Variants in RSRP1 observed in about 807,000 individuals in gnomAD.
RSRP1 encodes the protein arginine and serine rich protein 1, also known as arginine/serine-rich protein 1.
In RSRP1, 37 loss-of-function variants were observed where a neutral mutation model predicts 33.0. The observed-to-expected ratio is 1.12, with a 90% CI of 0.86 to 1.48. RSRP1 has a LOEUF of 1.48. Among genes scored for constraint, RSRP1 ranks in the 40% most tolerant of loss-of-function variants. The pLI is 0.00. For synonymous variants in RSRP1, 167 were observed against 158.7 expected, an observed-to-expected ratio of 1.05 and a Z score of -0.40; for missense variants, 402 against 385.3, an observed-to-expected ratio of 1.04 and a Z score of -0.36.
At position 25,280,221 on chromosome 1, in the gene RSRP1, C is replaced by G. The variant is rs577843291; in HGVS notation, c.-66-33192G>C. 3.4e-3 allele frequency among the ~76,000 whole-genome samples: 434 copies of G among 126,842 alleles called. 106 individuals carry two copies. Among genetic ancestry groups the G allele is most frequent in the Non-Finnish European group, 6.2e-3 (336 of 54,130 alleles). The allele number at this position is 126,842 out of a possible 152,430, so 83.2% of individuals were successfully genotyped here. A position where few individuals can be genotyped will look rare whatever the true frequency, so the allele number is the denominator to read the frequency against. ...GCCTTGGGGAGGAAGGCCCTGAGCG[C>G]GTATACCTGGAATCAGGGAATCGGG... On this transcript the variant is annotated intron_variant, in intron 1 of 1. Coordinates refer to the RSRP1 transcript ENST00000561867.
intron 4 of RSRP1, 127 bp from the exon 5 acceptor site, chr1:25,242,832 C>T: frequency 3.0e-6 from 2 of 667,550 alleles, no homozygotes; most frequent in South Asian, 3.7e-5. Flanking sequence ...CGCGGTGGCT[C>T]ACGCCTGTAA....
chr1:25,276,508 C>A (rs1571572925), intron 1 of RSRP1, among the ~76,000 whole-genome samples: 2 of 65,762 alleles, frequency 3.0e-5, no homozygotes, highest in Admixed American at 1.8e-4. Flanking sequence ...GCCTAGGAAA[C>A]ATAGGGAGAC....
chr1:25,244,845 G>A, intron 3 of RSRP1: 2 of 1,009,560 alleles, frequency 2.0e-6, no homozygotes, highest in Non-Finnish European at 2.6e-6. Context: ...CACCATGCCT[G>A]GCTAATTTTT....
intron 1 of RSRP1, among the ~76,000 whole-genome samples, chr1:25,270,569 G>A (rs188017669): frequency 3.8e-5 from 5 of 131,798 alleles, no homozygotes; most frequent in African/African-American, 1.0e-4. Flanking sequence ...ACCTCACCCC[G>A]GTCCATGGAA....
At position 25,288,494 on chromosome 1, in the gene RSRP1, T is replaced by G. The variant is rs565921701; in HGVS notation, c.-66-41465A>C. Among the ~76,000 whole-genome samples the G allele has an allele frequency of 6.2e-4, 79 of 127,610 alleles. 6 individuals are homozygous for G. The highest frequency in any genetic ancestry group is 2.4e-3 in the East Asian group (12 of 5,098). 83.7% of individuals were successfully genotyped at this position (127,610 alleles called of 152,430 possible). ...CATTCCTGGCCTTAAAAGTGTGATATTTTTAATGTATTTTGAAATCTGCAG... is the reference window on the plus strand; with the variant it reads ...CATTCCTGGCCTTAAAAGTGTGATAGTTTTAATGTATTTTGAAATCTGCAG... On this transcript the variant is annotated intron_variant, in intron 1 of 1. Coordinates refer to the RSRP1 transcript ENST00000561867.
chr1:25,243,778 T>C (rs910478861), intron 3 of RSRP1, 145 bp from the exon 4 acceptor site: 97 of 1,407,674 alleles, frequency 6.9e-5, no homozygotes, highest in Non-Finnish European at 8.5e-5. Context: ...AACAGAACTA[T>C]TGAGTTTTCC....
intron 1 of RSRP1, among the ~76,000 whole-genome samples, chr1:25,263,597 C>T (rs1321115460): frequency 6.6e-6 from 1 of 151,866 alleles, no homozygotes; most frequent in African/African-American, 2.4e-5. Context: ...TGGGTCCCTC[C>T]CACAACGCAT....
In RSRP1 at chr1:25,247,029, C is replaced by T; in HGVS notation, c.-66G>A. The T allele has an allele frequency of 1.4e-6, 2 of 1,417,174 alleles. No individual in the cohort carries two copies. Among genetic ancestry groups the T allele is most frequent in the Non-Finnish European group, 1.9e-6 (2 of 1,062,286 alleles). The allele number at this position is 1,417,174 out of a possible 1,614,324, so 87.8% of individuals were successfully genotyped here. On this transcript the variant is annotated splice_region_variant and 5_prime_UTR_variant, in exon 2 of 5. Coordinates refer to ENST00000243189, the MANE Select transcript of RSRP1 (RefSeq NM_020317.5). ...TCCCGCAAGCCTCAACTCAGGACTT[C>T]CTAAAAAACCAAGAGAGAAAAAACA...
chr1:25,291,142 G>GGATAGATAGATAGATA (rs1557529488), intron 1 of RSRP1, among the ~76,000 whole-genome samples: 1 of 125,562 alleles, frequency 8.0e-6, no homozygotes, highest in African/African-American at 2.9e-5. Flanking sequence ...ATAGGTAGGT[G>GGATAGATAGATAGATA]GATAGACAGA....
chr1:25,255,770 C>T (rs983441685), intron 1 of RSRP1, among the ~76,000 whole-genome samples: 5 of 152,176 alleles, frequency 3.3e-5, no homozygotes, highest in Non-Finnish European at 7.3e-5. Flanking sequence ...TCATTAAGCA[C>T]TAGATTGTCA....
chr1:25,270,316 C>T lies in RSRP1; in HGVS notation c.-66-23287G>A, dbSNP rs1261366781. ...CTTAGAAGTAATCTAGGCTGGGGGT[C>T]CCCAACCCCCAGGCTGTGGCCCGTT... On this transcript the variant is annotated intron_variant, in intron 1 of 1. Coordinates refer to the RSRP1 transcript ENST00000561867. Among the ~76,000 whole-genome samples, 2 of 129,400 alleles carry T rather than the reference C, an allele frequency of 1.5e-5. 1 individual carries two copies. Among genetic ancestry groups the T allele is most frequent in the Non-Finnish European group, 3.6e-5 (2 of 54,928 alleles). The allele number at this position is 129,400 out of a possible 152,430, so 84.9% of individuals were successfully genotyped here.
intron 3 of RSRP1, chr1:25,244,043 T>C (rs1639131379): frequency 8.4e-7 from 1 of 1,193,566 alleles, no homozygotes; most frequent in Non-Finnish European, 1.1e-6. Flanking sequence ...ATTACACAGA[T>C]TCATTTAGAT....
upstream of RSRP1, among the ~76,000 whole-genome samples, chr1:25,252,354 G>C (rs1639812794): frequency 6.6e-6 from 1 of 151,856 alleles, no homozygotes; most frequent in Non-Finnish European, 1.5e-5. Flanking sequence ...AAAATAGAAG[G>C]TGCATTGAGC....
Position 25,271,987 on chromosome 1 carries a change from G to A in RSRP1, c.-66-24958C>T, listed in dbSNP as rs1226422514. Among the ~76,000 whole-genome samples the A allele has an allele frequency of 2.4e-4, 32 of 132,208 alleles. 4 individuals carry two copies. Among genetic ancestry groups the A allele is most frequent in the African/African-American group, 8.2e-4 (32 of 38,852 alleles). 86.7% of individuals were successfully genotyped at this position (132,208 alleles called of 152,430 possible). A position where few individuals can be genotyped will look rare whatever the true frequency, so the allele number is the denominator to read the frequency against. ...AGTAATTTCAACTGTGTAACTATGA[G>A]GAGTCAGTTCTACGTGGGTCCTATC... On this transcript the variant is annotated intron_variant, in intron 1 of 1. Coordinates refer to the RSRP1 transcript ENST00000561867.
intron 1 of RSRP1, chr1:25,304,458 C>G (rs1159304889): frequency 7.7e-6 from 1 of 130,058 alleles, no homozygotes; most frequent in Non-Finnish European, 1.8e-5. Flanking sequence ...ATTAGCCAGG[C>G]ATGGTGGCGG....
Position 25,309,985 on chromosome 1 carries a change from A to C in RSRP1, c.-67+27993T>G, listed in dbSNP as rs565512603. On this transcript the variant is annotated intron_variant, in intron 1 of 1. Coordinates refer to the RSRP1 transcript ENST00000561867. ...ATTCTGCCACTTATTACTTAAAAAA[A>C]CCCCAAAAAACCCAACTTATATAGT... Among the ~76,000 whole-genome samples, 4 of 132,424 alleles carry C rather than the reference A, an allele frequency of 3.0e-5. No individual in the cohort carries two copies. The South Asian group carries it at 9.3e-4, about 31-fold the overall frequency. The allele number at this position is 132,424 out of a possible 152,430, so 86.9% of individuals were successfully genotyped here.
chr1:25,245,233 A>G lies in RSRP1; in HGVS notation c.589T>C (p.Leu197=), dbSNP rs1158265805. 2 of 1,614,154 alleles carry G rather than the reference A, an allele frequency of 1.2e-6. No homozygotes were observed. Among genetic ancestry groups the G allele is most frequent in the East Asian group, 4.5e-5 (2 of 44,880 alleles). The change falls in exon 3 of 5, where the codon TTG becomes CTG. Residue 197 remains leucine (L), a synonymous_variant. Transcript: ENST00000243189. ...AKALGTTNID[L]PASLRTVPSA... is the part of the protein sequence containing the mutation. Reference sequence around the variant, plus strand: ...GGAACAGTTCTGAGACTAGCTGGCAAGTCAATGTTGGTTGTTCCTAGAGCT... The same window carrying G: ...GGAACAGTTCTGAGACTAGCTGGCAGGTCAATGTTGGTTGTTCCTAGAGCT...
chr1:25,257,163 G>A (rs1359786825), intron 1 of RSRP1, among the ~76,000 whole-genome samples: 3 of 152,172 alleles, frequency 2.0e-5, no homozygotes, highest in Non-Finnish European at 4.4e-5. Context: ...GACAATGTAT[G>A]GGAATGCCTT....
rs150154685 is a variant in RSRP1 at position 25,255,716 on chromosome 1, G to C, written c.-66-8687C>G. Among the ~76,000 whole-genome samples, 27 of 152,288 alleles carry C rather than the reference G, an allele frequency of 1.8e-4. No homozygotes were observed. The East Asian group carries it at 3.9e-3, about 22-fold the overall frequency. ...GTGGGAGCCCTGAGCTTGTTTTCCT[G>C]CAACTAGACAGTCCCATCTGAGGGG... On this transcript the variant is annotated intron_variant, in intron 1 of 1. Transcript: ENST00000561867.
Sources: gnomAD v4.1 joint callset for allele counts (sites outside exome capture counted in the v4.1 genomes callset) on GRCh38, gnomAD v4.1.1 for gene constraint, MANE v1.5 for transcripts, NCBI Gene and HGNC (gene_info 2026-07-23, HGNC 2026-07-21) for gene names.